SLC30A6: variants seen among roughly 807,000 people sequenced by gnomAD.
The protein encoded by SLC30A6 is solute carrier family 30 member 6.
In SLC30A6, 55 loss-of-function variants were observed where a neutral mutation model predicts 63.0. That is an observed-to-expected ratio of 0.87 (90% CI 0.70 to 1.09). SLC30A6 has a LOEUF of 1.09. Among genes scored for constraint, SLC30A6 ranks in the 50% least tolerant of loss-of-function variants. SLC30A6 has a pLI of 0.00. For missense variants in SLC30A6, 587 were observed against 549.2 expected, an observed-to-expected ratio of 1.07 and a Z score of -0.69; for synonymous variants, 224 against 186.1, an observed-to-expected ratio of 1.20 and a Z score of -1.66.
chr2:32,194,020 C>G, intron 8 of SLC30A6, 37 bp downstream of exon 8: 1 of 1,514,984 alleles, frequency 6.6e-7, no homozygotes, highest in Non-Finnish European at 9.1e-7. Flanking sequence ...AAAAATCCAA[C>G]TAATCTCTCA....
At position 32,171,342 on chromosome 2, in the gene SLC30A6, G is replaced by T; in HGVS notation, c.59G>T (p.Arg20Leu). ...AGATCCTTTTTTGGCAAGTTGTTAC[G>T]GGAATTTAGACTTGTAGCAGCTGAC... ...PQRSFFGKLL[R>L]EFRLVAADRR... The change falls in exon 2 of 14, where the codon CGG (arginine) becomes CTG (leucine). Residue 20 changes from arginine (R) to leucine (L), a missense_variant. Transcript: ENST00000282587. The T allele has an allele frequency of 6.2e-7, 1 of 1,613,590 alleles. No individual in the cohort carries two copies. Among genetic ancestry groups the T allele is most frequent in the South Asian group, 1.1e-5 (1 of 91,052 alleles).
intron 2 of SLC30A6, 128 bp from the exon 3 acceptor site, chr2:32,173,934 GT>G (rs1681467937): frequency 1.7e-6 from 1 of 590,140 alleles, no homozygotes; most frequent in Non-Finnish European, 2.8e-6. Context: ...TGTAGAAAGT[GT>G]GACACAGACT....
chr2:32,191,682 C>G (rs1437255779), intron 5 of SLC30A6, among the ~76,000 whole-genome samples: 2 of 152,060 alleles, frequency 1.3e-5, no homozygotes, highest in African/African-American at 2.4e-5. Context: ...CTATATGACT[C>G]TAAACAGTTA....
intron 5 of SLC30A6, chr2:32,187,208 C>G (rs1412204547): frequency 2.1e-6 from 1 of 471,050 alleles, no homozygotes. Flanking sequence ...CTCCACCAAT[C>G]CGAAATGATG....
At chr2:32,200,997 C>T (rs1458712271) in intron 10 of SLC30A6, among the ~76,000 whole-genome samples, 1 of 152,148 alleles carries the variant, frequency 6.6e-6, no homozygotes, top group Non-Finnish European at 1.5e-5. Context: ...TCAGGGTTTT[C>T]ATGCCCCTGC....
Position 32,171,385 on chromosome 2 carries a change from C to T in SLC30A6, c.90+12C>T, listed in dbSNP as rs548863982. On this transcript the variant is annotated intron_variant, in intron 2 of 13. Coordinates refer to ENST00000282587, the MANE Select transcript of SLC30A6 (RefSeq NM_017964.5). ...CAGCTGACCGAAGGGTAAGTTATTC[C>T]TTAACCCCAATTTTAATTATTGCAC... 1.2e-6 allele frequency: 2 copies of T among 1,602,220 alleles called. No homozygotes were observed. The highest frequency in any genetic ancestry group is 2.7e-5 in the African/African-American group (2 of 74,752).
In SLC30A6 at chr2:32,220,915, T is replaced by C; in HGVS notation, c.*202T>C. The C allele has an allele frequency of 1.9e-6, 1 of 539,180 alleles. No individual in the cohort carries two copies. The highest frequency in any genetic ancestry group is 3.2e-6 in the Non-Finnish European group (1 of 313,330). The allele number at this position is 539,180 out of a possible 1,614,324, so 33.4% of individuals were successfully genotyped here. A position where few individuals can be genotyped will look rare whatever the true frequency, so the allele number is the denominator to read the frequency against. ...AAATCCTCGTAAATGTTAAAGGCTT[T>C]AAATAGGCTTCCTTTAGAAAATGTG... On this transcript the variant is annotated 3_prime_UTR_variant, in exon 14 of 14. Coordinates refer to ENST00000282587, the MANE Select transcript of SLC30A6 (RefSeq NM_017964.5).
intron 10 of SLC30A6, among the ~76,000 whole-genome samples, chr2:32,199,645 A>G (rs979402331): frequency 4.1e-4 from 63 of 152,156 alleles, no homozygotes; most frequent in African/African-American, 1.5e-3. Flanking sequence ...AGTAGATTTT[A>G]TTTATTCTAA....
rs1175457937 is a variant in SLC30A6, at chr2:32,183,519, T to TA, written c.219-745dup. 1.0e-4 allele frequency among the ~76,000 whole-genome samples: 15 copies of TA among 149,122 alleles called. 1 individual carries two copies. Among genetic ancestry groups the TA allele is most frequent in the African/African-American group, 2.2e-4 (9 of 40,626 alleles). On this transcript the variant is annotated intron_variant, in intron 4 of 13. Coordinates refer to ENST00000282587, the MANE Select transcript of SLC30A6 (RefSeq NM_017964.5). Reference sequence around the variant, plus strand: ...CAACATGACGAAACCTCGTCTCTACTAAAAAAAAATATATAAAAATTAGCC... The same window carrying TA: ...CAACATGACGAAACCTCGTCTCTACTAAAAAAAAAATATATAAAAATTAGCC...
At chr2:32,195,023 C>A (rs1683654239) in intron 8 of SLC30A6, among the ~76,000 whole-genome samples, 1 of 151,806 alleles carries the variant, frequency 6.6e-6, no homozygotes, top group African/African-American at 2.4e-5. Flanking sequence ...TTATTCCTTC[C>A]ACTTTTTTGT....
At chr2:32,208,022 C>T (rs1428929161) in intron 12 of SLC30A6, among the ~76,000 whole-genome samples, 15 of 151,216 alleles carry the variant, frequency 9.9e-5, no homozygotes, top group South Asian at 4.2e-4. Context: ...TTAGTAGAGA[C>T]GGGGTTTCAC....
At chr2:32,219,922 C>T (rs1045887428) in intron 13 of SLC30A6, among the ~76,000 whole-genome samples, 3 of 152,148 alleles carry the variant, frequency 2.0e-5, no homozygotes, top group African/African-American at 7.2e-5. Flanking sequence ...CTTTTCGGCT[C>T]TTACATTGTA....
chr2:32,177,079 A>G (rs1487215696), intron 4 of SLC30A6, among the ~76,000 whole-genome samples: 2 of 151,682 alleles, frequency 1.3e-5, no homozygotes, highest in Non-Finnish European at 2.9e-5. Context: ...GACCTACAAT[A>G]TTTTCCTTGT....
intron 13 of SLC30A6, among the ~76,000 whole-genome samples, chr2:32,217,227 T>G (rs1685789956): frequency 6.6e-6 from 1 of 152,130 alleles, no homozygotes; most frequent in Non-Finnish European, 1.5e-5. Flanking sequence ...CTTTAATCCA[T>G]CTTGAGTTAA....
chr2:32,200,201 C>A (rs1445651595), intron 10 of SLC30A6, among the ~76,000 whole-genome samples: 1 of 152,034 alleles, frequency 6.6e-6, no homozygotes, highest in Non-Finnish European at 1.5e-5. Flanking sequence ...CCTTTATCAT[C>A]ATTTCTTTGG....
intron 10 of SLC30A6, among the ~76,000 whole-genome samples, chr2:32,204,183 C>T (rs1032890428): frequency 2.0e-5 from 3 of 151,940 alleles, no homozygotes; most frequent in Admixed American, 1.3e-4. Flanking sequence ...CCAGTTATAC[C>T]TTTGAATTAA....
At chr2:32,184,554 C>A (rs574783426) in intron 5 of SLC30A6, among the ~76,000 whole-genome samples, 1 of 152,152 alleles carries the variant, frequency 6.6e-6, no homozygotes. Flanking sequence ...CACCTTAGGT[C>A]AGGAGTTTGA....
At chr2:32,216,527 C>T (rs1685717317) in intron 13 of SLC30A6, among the ~76,000 whole-genome samples, 2 of 141,046 alleles carry the variant, frequency 1.4e-5, no homozygotes, top group Admixed American at 7.5e-5. Flanking sequence ...GAGAGCAAGA[C>T]TCTCTCAAAA....
chr2:32,186,546 G>T (rs1317156110), intron 5 of SLC30A6, among the ~76,000 whole-genome samples: 1 of 152,140 alleles, frequency 6.6e-6, no homozygotes, highest in African/African-American at 2.4e-5. Flanking sequence ...ACAAAAATTA[G>T]CTGGGCATGG....
Sources: allele counts gnomAD v4.1 joint callset (sites outside exome capture counted in the v4.1 genomes callset), GRCh38; gene constraint gnomAD v4.1.1; transcripts MANE v1.5; gene names NCBI Gene and HGNC (gene_info 2026-07-23, HGNC 2026-07-21).